The following TRERF1 variants were observed in gnomAD, a reference collection of about 807,000 sequenced individuals.
The protein encoded by TRERF1 is transcriptional-regulating factor 1.
TRERF1 carries 27 observed loss-of-function variants against 122.9 expected under a neutral mutation model. The observed-to-expected ratio is 0.22, with a 90% CI of 0.16 to 0.30. The LOEUF (loss-of-function observed/expected upper bound fraction) is 0.30, where lower values mean the gene tolerates loss of function less well. Among genes scored for constraint, TRERF1 ranks in the 10% least tolerant of loss-of-function variants. The pLI, the probability that TRERF1 is intolerant of heterozygous loss-of-function variation, is 1.00. For missense variants in TRERF1, 1,248 were observed against 1,560.3 expected, an observed-to-expected ratio of 0.80 and a Z score of 3.37; for synonymous variants, 636 against 641.7, an observed-to-expected ratio of 0.99 and a Z score of 0.13.
chr6:42,391,091 C>G (rs1379568300), intron 2 of TRERF1, among the ~76,000 whole-genome samples: 6 of 152,174 alleles, frequency 3.9e-5, no homozygotes, highest in Non-Finnish European at 8.8e-5. Flanking sequence ...ACACCAGGAC[C>G]AAGAGCTGTT....
At chr6:42,444,178 C>CTTTTTTT (rs201969394) in intron 2 of TRERF1, among the ~76,000 whole-genome samples, 1 of 133,860 alleles carries the variant, frequency 7.5e-6, no homozygotes, top group Non-Finnish European at 1.6e-5. Flanking sequence ...GCAGCCTTTG[C>CTTTTTTT]TTTTTTTTTT....
intron 2 of TRERF1, among the ~76,000 whole-genome samples, chr6:42,375,555 A>G (rs1245538461): frequency 6.6e-6 from 1 of 152,230 alleles, no homozygotes. Context: ...TTAAGTGTCT[A>G]CTATGTCCAA....
rs1779878721 is a variant in TRERF1 at position 42,269,703 on chromosome 6, C to T, written c.-113G>A. On this transcript the variant is annotated 5_prime_UTR_variant, in exon 5 of 18. Coordinates refer to ENST00000372922, the Ensembl canonical transcript of TRERF1. This position sits in a 1 kb window ranked among gnomAD's most constrained non-coding sequence, Gnocchi z 4.9. ...CTGAGAGAAAAGTGTCAGCACTACT[C>T]CACGGCTGACATGTCTGTGAACGTG... 1 of 1,464,026 alleles carries T rather than the reference C, an allele frequency of 6.8e-7. No individual in the cohort carries two copies. The highest frequency in any genetic ancestry group is 1.4e-5 in the African/African-American group (1 of 70,736). 90.7% of individuals were successfully genotyped at this position (1,464,026 alleles called of 1,614,324 possible).
chr6:42,392,931 T>TACACACACACACACAC lies in TRERF1; in HGVS notation c.-453-29868_-453-29853dup, dbSNP rs58784390. Among the ~76,000 whole-genome samples, 1,237 of 148,072 alleles carry TACACACACACACACAC rather than the reference T, an allele frequency of 8.4e-3. 25 individuals are homozygous for TACACACACACACACAC. The highest frequency in any genetic ancestry group is 0.028 in the African/African-American group (1,128 of 39,778). The stretch of plus-strand genomic sequence containing the variant: ...CAGCACACACACACATACACACACA[T>TACACACACACACACAC]ACACACACACACACACACACACACA... On this transcript the variant is annotated intron_variant, in intron 2 of 17. Coordinates refer to ENST00000372922, the Ensembl canonical transcript of TRERF1.
intron 3 of TRERF1, among the ~76,000 whole-genome samples, chr6:42,345,099 T>G (rs758709897): frequency 6.6e-6 from 1 of 152,232 alleles, no homozygotes; most frequent in Non-Finnish European, 1.5e-5. Flanking sequence ...CTATATATAA[T>G]GATTTCATCT....
intron 3 of TRERF1, among the ~76,000 whole-genome samples, chr6:42,336,855 C>T (rs1766288446): frequency 6.6e-6 from 1 of 152,134 alleles, no homozygotes; most frequent in Non-Finnish European, 1.5e-5. Context: ...TTGTTCAGCT[C>T]GTATTTATTA....
At chr6:42,388,911 A>G (rs149115884) in intron 2 of TRERF1, among the ~76,000 whole-genome samples, 1 of 152,312 alleles carries the variant, frequency 6.6e-6, no homozygotes, top group East Asian at 1.9e-4. Flanking sequence ...CAGGTATCCA[A>G]GTCATGGGCC....
At chr6:42,360,525 GT>G (rs1771506239) in intron 3 of TRERF1, among the ~76,000 whole-genome samples, 1 of 152,116 alleles carries the variant, frequency 6.6e-6, no homozygotes, top group African/African-American at 2.4e-5. Context: ...ACTAGTTAAG[GT>G]TGAGTGTCCT....
At chr6:42,450,151 C>T (rs921914119) in intron 2 of TRERF1, among the ~76,000 whole-genome samples, 23 of 152,200 alleles carry the variant, frequency 1.5e-4, no homozygotes, top group African/African-American at 5.3e-4. Context: ...ACTGAGGACT[C>T]CTGCTGTTAT....
Position 42,269,843 on chromosome 6 carries a change from T to C in TRERF1, c.-253A>G. 2 of 910,356 alleles carry C rather than the reference T, an allele frequency of 2.2e-6. No homozygotes were observed. Among genetic ancestry groups the C allele is most frequent in the Non-Finnish European group, 3.0e-6 (2 of 661,398 alleles). The allele number at this position is 910,356 out of a possible 1,614,324, so 56.4% of individuals were successfully genotyped here. A position where few individuals can be genotyped will look rare whatever the true frequency, so the allele number is the denominator to read the frequency against. Reference sequence around the variant, plus strand: ...CAGCACTGTGGTGAGGAGACGTCGCTCACACCTGCAAGGCAAGATGCAAAA... The same window carrying C: ...CAGCACTGTGGTGAGGAGACGTCGCCCACACCTGCAAGGCAAGATGCAAAA... On this transcript the variant is annotated 5_prime_UTR_variant, in exon 5 of 18. Coordinates refer to ENST00000372922, the Ensembl canonical transcript of TRERF1. This position sits in a 1 kb window ranked among gnomAD's most constrained non-coding sequence, Gnocchi z 4.9.
intron 2 of TRERF1, among the ~76,000 whole-genome samples, chr6:42,386,930 G>A (rs1776909171): frequency 6.6e-6 from 1 of 152,126 alleles, no homozygotes; most frequent in African/African-American, 2.4e-5. Flanking sequence ...ATGTTTAGCA[G>A]TATCCCTGGC....
chr6:42,268,517 A>G lies in TRERF1; in HGVS notation c.1074T>C (p.Tyr358=), dbSNP rs1779636060. 1 of 1,613,750 alleles carries G rather than the reference A, an allele frequency of 6.2e-7. No homozygotes were observed. Among genetic ancestry groups the G allele is most frequent in the African/African-American group, 1.3e-5 (1 of 74,860 alleles). ...GGACAGTGTGTGCCTGCTCTGGGGT[A>G]TACTGGTGAGGGTCCCTGTGATAAG... Residue 358 remains tyrosine, a synonymous_variant, in exon 5 of 18, where the codon TAT becomes TAC. Transcript: ENST00000372922. This position sits in a 1 kb window ranked among gnomAD's most constrained non-coding sequence, Gnocchi z 4.4.
At chr6:42,281,750 C>T (rs1336744129) in intron 4 of TRERF1, among the ~76,000 whole-genome samples, 1 of 152,080 alleles carries the variant, frequency 6.6e-6, no homozygotes, top group Non-Finnish European at 1.5e-5. Flanking sequence ...AGCGTGGCAT[C>T]GATGAGCTGG....
intron 2 of TRERF1, among the ~76,000 whole-genome samples, chr6:42,382,332 G>C (rs188891027): frequency 5.0e-4 from 76 of 151,290 alleles, no homozygotes; most frequent in African/African-American, 1.5e-3. Context: ...TCCAGCCTCA[G>C]GTTAAAACAT....
chr6:42,285,561 A>C lies in TRERF1; in HGVS notation c.-259+15077T>G, dbSNP rs1438129642. Among the ~76,000 whole-genome samples, 5 of 151,768 alleles carry C rather than the reference A, an allele frequency of 3.3e-5. No homozygotes were observed. In the East Asian group the frequency reaches 7.7e-4, roughly 23 times the overall value. ...AGAGAGGGCATCCCTGTCTTGTGCCAGTTTTCAAAGGGAATGCTTCCAGTT... is the reference window on the plus strand; with the variant it reads ...AGAGAGGGCATCCCTGTCTTGTGCCCGTTTTCAAAGGGAATGCTTCCAGTT... On this transcript the variant is annotated intron_variant, in intron 4 of 17. Transcript: ENST00000372922.
chr6:42,275,955 A>T lies in TRERF1; in HGVS notation c.-258-6107T>A, dbSNP rs1781070303. On this transcript the variant is annotated intron_variant, in intron 4 of 17. Coordinates refer to ENST00000372922, the Ensembl canonical transcript of TRERF1. This position sits in a 1 kb window ranked among gnomAD's most constrained non-coding sequence, Gnocchi z 4.1. ...TACAACTTTATTTATGGACGCTGAA[A>T]CTTGAATTTTACATAATTTTCACAT... Among the ~76,000 whole-genome samples the T allele has an allele frequency of 6.6e-6, 1 of 152,226 alleles. No homozygotes were observed. The highest frequency in any genetic ancestry group is 1.5e-5 in the Non-Finnish European group (1 of 68,036).
chr6:42,306,034 C>T (rs1398767908), intron 3 of TRERF1, among the ~76,000 whole-genome samples: 1 of 109,792 alleles, frequency 9.1e-6, no homozygotes, highest in Non-Finnish European at 1.7e-5. Context: ...CAGAGTCTTA[C>T]TCTGTCTCCC....
intron 3 of TRERF1, among the ~76,000 whole-genome samples, chr6:42,348,849 T>G (rs1768840431): frequency 6.6e-6 from 1 of 151,972 alleles, no homozygotes; most frequent in Non-Finnish European, 1.5e-5. Flanking sequence ...GAGGGAGCAG[T>G]GGGAAAGATT....
At chr6:42,233,410 C>T (rs964432506) in intron 16 of TRERF1, among the ~76,000 whole-genome samples, 13 of 151,864 alleles carry the variant, frequency 8.6e-5, no homozygotes, top group Admixed American at 3.3e-4. Flanking sequence ...CTCAGCCTCC[C>T]GAGTAGCTGG....
Sources: gnomAD v4.1 joint callset for allele counts (sites outside exome capture counted in the v4.1 genomes callset) on GRCh38, gnomAD v4.1.1 for gene constraint, Gnocchi (gnomAD v3.1) non-coding constraint, MANE v1.5 for transcripts, NCBI Gene and HGNC (gene_info 2026-07-23, HGNC 2026-07-21) for gene names.